Variants in APBA2 observed in about 807,000 individuals in gnomAD.
The protein encoded by APBA2 is amyloid-beta A4 precursor protein-binding family A member 2.
APBA2 carries 30 observed loss-of-function variants against 75.0 expected under a neutral mutation model. That is an observed-to-expected ratio of 0.40 (90% CI 0.30 to 0.54). The LOEUF is 0.54. Ranked by LOEUF, APBA2 falls within the 20% of genes least tolerant of loss-of-function variation. The pLI is 0.49. For missense variants in APBA2, 801 were observed against 1,016.1 expected (o/e 0.79, Z 2.88); for synonymous variants, 444 against 409.6 (o/e 1.08, Z -1.01).
chr15:29,021,608 T>G (rs926869828), intron 3 of APBA2, among the ~76,000 whole-genome samples: 2 of 152,180 alleles, frequency 1.3e-5, no homozygotes, highest in Admixed American at 1.3e-4. Flanking sequence ...CTGCTCACGT[T>G]TCCTCCTGCC....
intron 3 of APBA2, among the ~76,000 whole-genome samples, chr15:29,013,389 C>A (rs549282158): frequency 6.6e-6 from 1 of 151,154 alleles, no homozygotes; most frequent in Non-Finnish European, 1.5e-5. Context: ...ACGCCATTCT[C>A]CTGCCTCAGC....
intron 4 of APBA2, among the ~76,000 whole-genome samples, chr15:29,069,006 T>C (rs2042501311): frequency 6.6e-6 from 1 of 152,184 alleles, no homozygotes; most frequent in Non-Finnish European, 1.5e-5. Flanking sequence ...TATTAAGCAG[T>C]CACTCCCCAT....
chr15:28,996,344 C>T lies in APBA2; in HGVS notation c.-41+538C>T, dbSNP rs80283143. ...AAATCTAACTTTGATAAAAAGAGGC[C>T]TCCTCATCTTGCCAGGGATGGAGCG... is the stretch of plus-strand genomic sequence containing the variant. On this transcript the variant is annotated intron_variant, in intron 3 of 14. Coordinates refer to ENST00000683413, the MANE Select transcript of APBA2 (RefSeq NM_001353788.2). 6.6e-3 allele frequency among the ~76,000 whole-genome samples: 1,004 copies of T among 151,212 alleles called. 13 individuals carry two copies. Among genetic ancestry groups the T allele is most frequent in the African/African-American group, 0.023 (957 of 41,088 alleles).
intron 4 of APBA2, among the ~76,000 whole-genome samples, chr15:29,055,670 T>A (rs1441047108): frequency 3.4e-5 from 2 of 58,304 alleles, no homozygotes; most frequent in Non-Finnish European, 6.6e-5. Flanking sequence ...TGAATTTGAG[T>A]GTGTGTGTGT....
At chr15:29,066,221 C>T (rs1314589575) in intron 4 of APBA2, among the ~76,000 whole-genome samples, 1 of 152,152 alleles carries the variant, frequency 6.6e-6, no homozygotes, top group East Asian at 1.9e-4. Flanking sequence ...GGGAGGTCAT[C>T]CAGCCATTCC....
chr15:28,893,572 C>G (rs533262922), intron 1 of APBA2, among the ~76,000 whole-genome samples: 31 of 152,272 alleles, frequency 2.0e-4, no homozygotes, highest in African/African-American at 5.3e-4. Flanking sequence ...TTTCCTGACC[C>G]ACAGCTCCTA....
At chr15:28,934,774 A>G (rs2034760883) in intron 2 of APBA2, among the ~76,000 whole-genome samples, 1 of 152,186 alleles carries the variant, frequency 6.6e-6, no homozygotes, top group Non-Finnish European at 1.5e-5. Flanking sequence ...GGGCTGTCAC[A>G]GAGATGGGCT....
intron 2 of APBA2, among the ~76,000 whole-genome samples, chr15:28,983,407 G>C (rs372233715): frequency 6.6e-6 from 1 of 152,172 alleles, no homozygotes; most frequent in African/African-American, 2.4e-5. Flanking sequence ...GGACACCAGA[G>C]TCCTGTTCTG....
chr15:29,088,623 C>G (rs2043404363), intron 6 of APBA2, among the ~76,000 whole-genome samples: 2 of 152,220 alleles, frequency 1.3e-5, no homozygotes, highest in Admixed American at 1.3e-4. Context: ...ATCATCACCA[C>G]TCATGTGCTG....
At chr15:29,083,635 ATTC>A (rs892840062) in intron 6 of APBA2, among the ~76,000 whole-genome samples, 8 of 152,050 alleles carry the variant, frequency 5.3e-5, no homozygotes, top group Non-Finnish European at 1.0e-4. Flanking sequence ...GGTTCAAGCG[ATTC>A]TCCTGTCTCA....
chr15:29,105,697 C>T, intron 11 of APBA2, 139 bp downstream of exon 11: 1 of 881,646 alleles, frequency 1.1e-6, no homozygotes, highest in Non-Finnish European at 1.8e-6. Context: ...GGAATGTGCA[C>T]CTCGCTCCTG....
intron 3 of APBA2, among the ~76,000 whole-genome samples, chr15:29,013,993 A>G (rs2039532944): frequency 6.6e-6 from 1 of 152,196 alleles, no homozygotes; most frequent in Non-Finnish European, 1.5e-5. Flanking sequence ...GCCATCCCTG[A>G]ACTTGACTTG....
At chr15:28,941,748 T>C (rs1046651345) in intron 2 of APBA2, among the ~76,000 whole-genome samples, 1 of 152,128 alleles carries the variant, frequency 6.6e-6, no homozygotes, top group Non-Finnish European at 1.5e-5. Flanking sequence ...GCCGTTTTGT[T>C]TGTTTATTTA....
chr15:29,055,078 G>C (rs1032059339), intron 4 of APBA2, among the ~76,000 whole-genome samples: 1 of 152,224 alleles, frequency 6.6e-6, no homozygotes, highest in Non-Finnish European at 1.5e-5. Flanking sequence ...GGCAACTCGT[G>C]TCTCGCAGAA....
intron 13 of APBA2, among the ~76,000 whole-genome samples, chr15:29,108,833 T>C (rs1475137109): frequency 6.6e-6 from 1 of 152,232 alleles, no homozygotes; most frequent in Non-Finnish European, 1.5e-5. Context: ...TGCTCTGTGT[T>C]AGGCTTTGTA....
intron 4 of APBA2, among the ~76,000 whole-genome samples, chr15:29,073,938 G>T (rs919045334): frequency 1.3e-5 from 2 of 152,066 alleles, no homozygotes; most frequent in Admixed American, 1.3e-4. Context: ...TGTACTTGGG[G>T]CATTTTCTAT....
chr15:29,066,744 A>G (rs2042395326), intron 4 of APBA2, among the ~76,000 whole-genome samples: 1 of 152,118 alleles, frequency 6.6e-6, no homozygotes, highest in Admixed American at 6.6e-5. Context: ...AAATAAATAA[A>G]GAAAAGAAGA....
At position 29,118,279 on chromosome 15, in the gene APBA2, G is replaced by A. The variant is rs139295593; in HGVS notation, c.*1146G>A. 1,635 of 152,594 alleles carry A rather than the reference G, an allele frequency of 0.011. 12 individuals are homozygous for A. Among genetic ancestry groups the A allele is most frequent in the Middle Eastern group, 0.024 (7 of 294 alleles). 9.5% of individuals were successfully genotyped at this position (152,594 alleles called of 1,614,324 possible). A position where few individuals can be genotyped will look rare whatever the true frequency, so the allele number is the denominator to read the frequency against. ...ATGCAGCTACCCGTAGGAAGACTTC[G>A]CGCATATCACTAATAAACCTGAAGT... On this transcript the variant is annotated 3_prime_UTR_variant, in exon 15 of 15. Coordinates refer to ENST00000683413, the MANE Select transcript of APBA2 (RefSeq NM_001353788.2).
intron 2 of APBA2, among the ~76,000 whole-genome samples, chr15:28,950,746 A>G (rs1308240742): frequency 1.3e-5 from 2 of 152,138 alleles, no homozygotes; most frequent in South Asian, 2.1e-4. Context: ...CCACTCCTTC[A>G]TGGGGGGTGG....
Sources: allele counts gnomAD v4.1 joint callset (sites outside exome capture counted in the v4.1 genomes callset), GRCh38; gene constraint gnomAD v4.1.1; transcripts MANE v1.5; gene names NCBI Gene and HGNC (gene_info 2026-07-23, HGNC 2026-07-21).